GCNT1: variants seen among roughly 807,000 people sequenced by gnomAD.
GCNT1 encodes glucosaminyl (N-acetyl) transferase 1.
Under a neutral mutation model 26.2 loss-of-function variants are expected in GCNT1, and 16 were observed. That is an observed-to-expected ratio of 0.61 (90% confidence interval 0.41 to 0.93). GCNT1 has a LOEUF of 0.93. GCNT1 is among the 40% of genes least tolerant of loss of function. GCNT1 has a pLI of 0.00. For synonymous variants in GCNT1, 183 were observed against 190.8 expected, an observed-to-expected ratio of 0.96 and a Z score of 0.34; for missense variants, 477 against 526.7, an observed-to-expected ratio of 0.91 and a Z score of 0.92.
upstream of GCNT1, among the ~76,000 whole-genome samples, chr9:76,455,532 A>T (rs1823743672): frequency 6.6e-6 from 1 of 152,122 alleles, no homozygotes; most frequent in Non-Finnish European, 1.5e-5. Context: ...GAGGATGTTC[A>T]CTGGTCTCCA....
the GCNT1 span, among the ~76,000 whole-genome samples, chr9:76,404,030 C>G: frequency 6.6e-6 from 1 of 152,114 alleles, no homozygotes; most frequent in African/African-American, 2.4e-5. Flanking sequence ...GACCTCTGTT[C>G]GGAGTAATTC....
chr9:76,399,000 G>A, the GCNT1 span: 1 of 1,557,912 alleles, frequency 6.4e-7, no homozygotes, highest in Non-Finnish European at 8.7e-7. Flanking sequence ...CCAATTGCTG[G>A]CCACTTCACT....
intron 2 of GCNT1, among the ~76,000 whole-genome samples, chr9:76,483,542 G>C (rs1037002159): frequency 2.6e-5 from 4 of 152,074 alleles, no homozygotes; most frequent in Non-Finnish European, 4.4e-5. Flanking sequence ...AGCCTTCTGA[G>C]TAGCTGGGTC....
chr9:76,448,045 C>T lies in GCNT1; in HGVS notation c.-290+5730C>T, dbSNP rs571247435. 2.4e-4 allele frequency among the ~76,000 whole-genome samples: 36 copies of T among 152,348 alleles called. No homozygotes were observed. The South Asian group carries it at 5.0e-3, about 21-fold the overall frequency. Reference sequence around the variant, plus strand: ...ATACTTTGAGAAGCCTGGAGAGCCTCTACTCTGAAAGTTTATCATCACTGC... The same window carrying T: ...ATACTTTGAGAAGCCTGGAGAGCCTTTACTCTGAAAGTTTATCATCACTGC... On this transcript the variant is annotated intron_variant, in intron 1 of 2. Transcript: ENST00000442371.
intron 1 of GCNT1, among the ~76,000 whole-genome samples, chr9:76,425,475 G>A (rs1027636239): frequency 1.3e-5 from 2 of 151,930 alleles, no homozygotes; most frequent in Non-Finnish European, 1.5e-5. Flanking sequence ...CACCCACCTC[G>A]GCCTCCCAAA....
At chr9:76,479,401 G>A (rs915528792) in intron 2 of GCNT1, among the ~76,000 whole-genome samples, 1 of 152,138 alleles carries the variant, frequency 6.6e-6, no homozygotes, top group Non-Finnish European at 1.5e-5. Flanking sequence ...GGGTCAAGTG[G>A]TATTTCTAGT....
chr9:76,461,830 G>T (rs896535724), intron 2 of GCNT1, among the ~76,000 whole-genome samples: 32 of 152,012 alleles, frequency 2.1e-4, no homozygotes, highest in African/African-American at 7.7e-4. Context: ...CGGAGGTTAG[G>T]ATGAGCAGGG....
intron 2 of GCNT1, among the ~76,000 whole-genome samples, chr9:76,460,684 A>G (rs1305626484): frequency 6.6e-6 from 1 of 152,180 alleles, no homozygotes; most frequent in African/African-American, 2.4e-5. Context: ...TAGTTTTGGG[A>G]AACTGATTTC....
upstream of GCNT1, among the ~76,000 whole-genome samples, chr9:76,439,787 G>A (rs1290586210): frequency 6.6e-6 from 1 of 152,104 alleles, no homozygotes; most frequent in Non-Finnish European, 1.5e-5. Context: ...TGTACCACAT[G>A]ATATCAAGAT....
upstream of GCNT1, among the ~76,000 whole-genome samples, chr9:76,436,730 A>C (rs13291010): frequency 0.031 from 4,713 of 152,302 alleles, 96 homozygotes; most frequent in Non-Finnish European, 0.048. Flanking sequence ...GTAAGACAGG[A>C]ATTAATAGGA....
In GCNT1 at chr9:76,496,469, C is replaced by T. The variant is rs566236826; in HGVS notation, c.-289-4447C>T. On this transcript the variant is annotated intron_variant, in intron 2 of 3. Coordinates refer to ENST00000376730, the MANE Select transcript of GCNT1 (RefSeq NM_001490.5). Reference sequence around the variant, plus strand: ...GCTTTTTCAGTTTCCTCTCGTCCATCTGCTTTTCCAGTTTGATTTCTGCCT... The same window carrying T: ...GCTTTTTCAGTTTCCTCTCGTCCATTTGCTTTTCCAGTTTGATTTCTGCCT... Among the ~76,000 whole-genome samples, 8 of 152,282 alleles carry T rather than the reference C, an allele frequency of 5.3e-5. No homozygotes were observed. The South Asian group carries it at 6.2e-4, about 12-fold the overall frequency.
the GCNT1 span, chr9:76,394,108 G>C: frequency 3.1e-6 from 5 of 1,608,298 alleles, no homozygotes; most frequent in Non-Finnish European, 4.2e-6. Context: ...ATGCCCAGCT[G>C]CTTGGAGCCG....
the GCNT1 span, among the ~76,000 whole-genome samples, chr9:76,397,464 A>C: frequency 6.8e-6 from 1 of 147,252 alleles, no homozygotes; most frequent in African/African-American, 2.5e-5. Context: ...TTTTTTTTGA[A>C]CCAGAGTCTC....
At chr9:76,458,932 T>C (rs1053133779), upstream of GCNT1, among the ~76,000 whole-genome samples, 5 of 152,240 alleles carry the variant, frequency 3.3e-5, no homozygotes, top group Non-Finnish European at 7.4e-5. Flanking sequence ...AGGCATAAAA[T>C]GTTTAAAAAG....
At chr9:76,413,036 C>T in the GCNT1 span, among the ~76,000 whole-genome samples, 130 of 152,326 alleles carry the variant, frequency 8.5e-4, no homozygotes, top group East Asian at 1.7e-3. Context: ...TGAGTGTACA[C>T]GTCCCAAATA....
At chr9:76,435,514 TC>T (rs1181913796) in intron 1 of GCNT1, among the ~76,000 whole-genome samples, 1 of 152,164 alleles carries the variant, frequency 6.6e-6, no homozygotes, top group East Asian at 1.9e-4. Flanking sequence ...AGGCTAGCAA[TC>T]CAAGAATAAG....
intron 1 of GCNT1, among the ~76,000 whole-genome samples, chr9:76,451,790 A>C (rs1823667245): frequency 6.6e-6 from 1 of 152,102 alleles, no homozygotes; most frequent in African/African-American, 2.4e-5. Context: ...CTAGCAAAGT[A>C]ATATACCTAC....
chr9:76,479,363 T>C (rs572868659), intron 2 of GCNT1, among the ~76,000 whole-genome samples: 1 of 152,368 alleles, frequency 6.6e-6, no homozygotes, highest in African/African-American at 2.4e-5. Flanking sequence ...TATAATCCTT[T>C]GGGTATATAC....
chr9:76,424,653 G>A (rs778708493), intron 1 of GCNT1, among the ~76,000 whole-genome samples: 4 of 152,232 alleles, frequency 2.6e-5, no homozygotes, highest in Non-Finnish European at 5.9e-5. Flanking sequence ...AGCACGCTGA[G>A]TAATATAAAA....
Sources: gnomAD v4.1 joint callset for allele counts (sites outside exome capture counted in the v4.1 genomes callset) on GRCh38, gnomAD v4.1.1 for gene constraint, MANE v1.5 for transcripts, NCBI Gene and HGNC (gene_info 2026-07-23, HGNC 2026-07-21) for gene names.